The following AFF4 variants were observed in gnomAD, a reference collection of about 807,000 sequenced individuals.
The protein encoded by AFF4 is AF4/FMR2 family member 4.
AFF4 carries 13 observed loss-of-function variants against 124.8 expected under a neutral mutation model. The observed-to-expected ratio is 0.10, with a 90% CI of 0.07 to 0.17. The LOEUF (loss-of-function observed/expected upper bound fraction) is 0.17, where lower values mean the gene tolerates loss of function less well. Ranked by LOEUF, AFF4 falls within the 10% of genes least tolerant of loss-of-function variation. The probability of loss-of-function intolerance (pLI) is 1.00; values close to 1 mark genes in which losing one functional copy is unlikely to be tolerated. For synonymous variants in AFF4, 477 were observed against 496.1 expected, an observed-to-expected ratio of 0.96 and a Z score of 0.51; for missense variants, 1,092 against 1,403.8, an observed-to-expected ratio of 0.78 and a Z score of 3.55.
rs1393452459 is a variant in AFF4, at chr5:132,937,057, G to A, written c.123+10C>T. 1 of 1,588,822 alleles carries A rather than the reference G, an allele frequency of 6.3e-7. No individual in the cohort carries two copies. Among genetic ancestry groups the A allele is most frequent in the Middle Eastern group, 1.9e-4 (1 of 5,250 alleles). On this transcript the variant is annotated intron_variant, in intron 2 of 20. Transcript: ENST00000265343. ...AATGGGAAAAAAACATTCACAGAAG[G>A]GCAACTTACAACTTTGTATGGCTCT...
At chr5:132,927,802 G>A (rs1761213274) in intron 4 of AFF4, among the ~76,000 whole-genome samples, 1 of 152,066 alleles carries the variant, frequency 6.6e-6, no homozygotes, top group East Asian at 1.9e-4. Context: ...AATTTTGTCA[G>A]GGGAAGAAAT....
chr5:132,937,106 G>T lies in AFF4; in HGVS notation c.84C>A (p.Phe28Leu), dbSNP rs1485735291. 3 of 1,613,808 alleles carry T rather than the reference G, an allele frequency of 1.9e-6. No individual in the cohort carries two copies. The highest frequency in any genetic ancestry group is 2.5e-6 in the Non-Finnish European group (3 of 1,179,948). ...NQEIQQGEDA[F>L]PPSSPLFAEP... is the part of the protein sequence containing the mutation. ...CTGCAAAGAGAGGAGAGCTAGGTGG[G>T]AAGGCGTCTTCGCCCTGCTGAATTT... Residue 28 changes from phenylalanine (F) to leucine (L), a missense_variant, in exon 2 of 21, where the codon TTC becomes TTA. By Grantham distance (22) the Phe-to-Leu change is conservative. This residue lies in a region of AFF4 where 46 missense variants were observed against 49.0 expected (regional missense o/e 0.94). Coordinates refer to ENST00000265343, the MANE Select transcript of AFF4 (RefSeq NM_014423.4).
intron 1 of AFF4, among the ~76,000 whole-genome samples, chr5:132,947,271 C>T (rs1010987964): frequency 1.5e-4 from 23 of 151,830 alleles, no homozygotes; most frequent in Admixed American, 4.6e-4. Context: ...GGTGTGGTAA[C>T]GCGCACCTGT....
chr5:132,900,976 A>G (rs768664606), intron 7 of AFF4: 1 of 985,284 alleles, frequency 1.0e-6, no homozygotes, highest in Non-Finnish European at 1.2e-6. Flanking sequence ...CAACATTTCT[A>G]TATCTGACCC....
intron 5 of AFF4, among the ~76,000 whole-genome samples, chr5:132,904,684 A>G (rs1341653500): frequency 6.6e-6 from 1 of 152,214 alleles, no homozygotes; most frequent in African/African-American, 2.4e-5. Context: ...AAAATAACTA[A>G]TTTCAATTTA....
intron 12 of AFF4, 112 bp downstream of exon 12, chr5:132,892,918 A>C (rs1208454541): frequency 1.0e-6 from 1 of 998,504 alleles, no homozygotes; most frequent in Non-Finnish European, 1.6e-6. Flanking sequence ...GTATGCATTT[A>C]TATAACACTT....
At chr5:132,947,211 T>C (rs1002240884) in intron 1 of AFF4, among the ~76,000 whole-genome samples, 2 of 152,110 alleles carry the variant, frequency 1.3e-5, no homozygotes, top group African/African-American at 2.4e-5. Flanking sequence ...AAGACCAGCC[T>C]GGCCAACATG....
At chr5:132,954,306 C>T (rs1561513704) in intron 1 of AFF4, among the ~76,000 whole-genome samples, 1 of 152,216 alleles carries the variant, frequency 6.6e-6, no homozygotes, top group Non-Finnish European at 1.5e-5. Flanking sequence ...CAACAGGGTT[C>T]GAGCTCCTAT....
chr5:132,921,793 C>T (rs1327650669), intron 5 of AFF4, among the ~76,000 whole-genome samples: 1 of 151,596 alleles, frequency 6.6e-6, no homozygotes, highest in African/African-American at 2.4e-5. Flanking sequence ...TTTTTTCTTT[C>T]CCCCCCAGAG....
At chr5:132,930,402 A>G (rs1301459132) in intron 4 of AFF4, among the ~76,000 whole-genome samples, 2 of 152,192 alleles carry the variant, frequency 1.3e-5, no homozygotes, top group Non-Finnish European at 2.9e-5. Context: ...CAAGGAAAGA[A>G]GAATGTTTGC....
At chr5:132,901,999 T>G (rs1174340795) in intron 7 of AFF4, among the ~76,000 whole-genome samples, 1 of 152,194 alleles carries the variant, frequency 6.6e-6, no homozygotes, top group East Asian at 1.9e-4. Flanking sequence ...TATTTCACTA[T>G]CTGACCCTTT....
rs556185390 is a variant in AFF4, at chr5:132,879,780, G to A, written c.*1279C>T. ...CCAGCTTCTTTAAGCTCTACCCCTGGCTCCACTCCCTGTCCCAAGAGCTCA... is the reference window on the plus strand; with the variant it reads ...CCAGCTTCTTTAAGCTCTACCCCTGACTCCACTCCCTGTCCCAAGAGCTCA... On this transcript the variant is annotated 3_prime_UTR_variant, in exon 21 of 21. Transcript: ENST00000265343. The A allele has an allele frequency of 1.4e-4, 32 of 225,152 alleles. No individual in the cohort carries two copies. The highest frequency in any genetic ancestry group is 6.3e-4 in the Admixed American group (11 of 17,476). 13.9% of individuals were successfully genotyped at this position (225,152 alleles called of 1,614,324 possible).
intron 1 of AFF4, among the ~76,000 whole-genome samples, chr5:132,954,414 C>T (rs1255069267): frequency 6.6e-6 from 1 of 152,174 alleles, no homozygotes; most frequent in Non-Finnish European, 1.5e-5. Flanking sequence ...GGAGGGGGAG[C>T]ACACAGGGTG....
chr5:132,935,685 C>A (rs932827892), intron 2 of AFF4, among the ~76,000 whole-genome samples: 1 of 151,232 alleles, frequency 6.6e-6, no homozygotes, highest in Non-Finnish European at 1.5e-5. Context: ...GCAGGAGAAT[C>A]GCTTGAACCC....
Position 132,877,990 on chromosome 5 carries a change from T to C in AFF4, c.*3069A>G, listed in dbSNP as rs1224000181. 1 of 224,086 alleles carries C rather than the reference T, an allele frequency of 4.5e-6. No homozygotes were observed. The highest frequency in any genetic ancestry group is 8.9e-6 in the Non-Finnish European group (1 of 112,180). The allele number at this position is 224,086 out of a possible 1,614,324, so 13.9% of individuals were successfully genotyped here. On this transcript the variant is annotated 3_prime_UTR_variant, in exon 21 of 21. Transcript: ENST00000265343. ...ACACTGCTCTCAATTGTTTTTACAC[T>C]AGAGAATTAAATAAATGGTGGTCAA...
At chr5:132,923,180 AAAT>A (rs891146825) in intron 5 of AFF4, among the ~76,000 whole-genome samples, 2 of 151,872 alleles carry the variant, frequency 1.3e-5, no homozygotes, top group African/African-American at 2.4e-5. Context: ...TGTCTCAAAA[AAAT>A]AATAATAATT....
chr5:132,887,148 G>A (rs1471428816), intron 17 of AFF4, among the ~76,000 whole-genome samples: 2 of 152,194 alleles, frequency 1.3e-5, no homozygotes, highest in Admixed American at 1.3e-4. Flanking sequence ...ATCTCACTGG[G>A]ATGAAGCAAA....
At chr5:132,940,173 C>A (rs2150103093) in intron 1 of AFF4, among the ~76,000 whole-genome samples, 1 of 151,604 alleles carries the variant, frequency 6.6e-6, no homozygotes, top group South Asian at 2.1e-4. Context: ...GGACTCCAGC[C>A]TGGGTGACAA....
At position 132,896,491 on chromosome 5, in the gene AFF4, T is replaced by A; in HGVS notation, c.2139A>T (p.Pro713=). The A allele has an allele frequency of 1.2e-6, 2 of 1,614,196 alleles. No individual in the cohort carries two copies. The highest frequency in any genetic ancestry group is 1.7e-6 in the Non-Finnish European group (2 of 1,180,028). The part of the protein sequence containing the change: ...SPLSEPDDRY[P]LIVKIDLNLL... The stretch of plus-strand genomic sequence containing the variant: ...GATTCAGGTCAATCTTCACAATAAG[T>A]GGGTACCTGTCATCAGGCTCACTGA... Residue 713 remains proline (P), a synonymous_variant, in exon 11 of 21, where the codon CCA becomes CCT. Coordinates refer to ENST00000265343, the MANE Select transcript of AFF4 (RefSeq NM_014423.4).
Sources: allele counts gnomAD v4.1 joint callset (sites outside exome capture counted in the v4.1 genomes callset), GRCh38; gene constraint gnomAD v4.1.1; regional missense constraint gnomAD v4.1.1; transcripts MANE v1.5; gene names NCBI Gene and HGNC (gene_info 2026-07-23, HGNC 2026-07-21).